SLC25A16: variants seen among roughly 807,000 people sequenced by gnomAD.
The protein encoded by SLC25A16 is mitochondrial coenzyme A transporter SLC25A16.
In SLC25A16, 39 loss-of-function variants were observed where a neutral mutation model predicts 41.5. That is an observed-to-expected ratio of 0.94 (90% CI 0.73 to 1.23). SLC25A16 has a LOEUF of 1.23. Among genes scored for constraint, SLC25A16 ranks in the 50% most tolerant of loss-of-function variants. The probability of loss-of-function intolerance (pLI) is 0.00; values close to 1 mark genes in which losing one functional copy is unlikely to be tolerated. For synonymous variants in SLC25A16, 146 were observed against 147.8 expected, an observed-to-expected ratio of 0.99 and a Z score of 0.09; for missense variants, 421 against 426.9, an observed-to-expected ratio of 0.99 and a Z score of 0.12.
rs1214767012 is a variant in SLC25A16 at position 68,527,338 on chromosome 10, G to A, written c.38C>T (p.Ala13Val). 1.3e-6 allele frequency: 2 copies of A among 1,531,006 alleles called. No homozygotes were observed. The highest frequency in any genetic ancestry group is 1.8e-6 in the Non-Finnish European group (2 of 1,140,362). 94.8% of individuals were successfully genotyped at this position (1,531,006 alleles called of 1,614,324 possible). Residue 13 changes from alanine (A) to valine (V), a missense_variant, in exon 1 of 9, where the codon GCC becomes GTC. Ala to Val is a moderately conservative substitution (Grantham distance 64, BLOSUM62 0). Coordinates refer to ENST00000609923, the MANE Select transcript of SLC25A16 (RefSeq NM_152707.4). ...CTGCGGCATTGCGGGAGGGGGATCGGCCGCCGCCAGGGCTGCCGCGGCCGT... is the reference window on the plus strand; with the variant it reads ...CTGCGGCATTGCGGGAGGGGGATCGACCGCCGCCAGGGCTGCCGCGGCCGT... ...AATAAAALAA[A>V]DPPPAMPQAA... is the part of the protein sequence containing the mutation.
At chr10:68,522,633 G>A (rs2053267580) in intron 1 of SLC25A16, among the ~76,000 whole-genome samples, 1 of 152,024 alleles carries the variant, frequency 6.6e-6, no homozygotes, top group Non-Finnish European at 1.5e-5. Flanking sequence ...TGCTAACACG[G>A]TGAAACCCCG....
At position 68,488,570 on chromosome 10, in the gene SLC25A16, G is replaced by C. The variant is rs1002946535; in HGVS notation, c.670C>G (p.Leu224Val). The C allele has an allele frequency of 2.5e-6, 4 of 1,610,706 alleles. No homozygotes were observed. In the African/African-American group the frequency reaches 5.4e-5, roughly 22 times the overall value. Residue 224 changes from leucine (L) to valine (V), a missense_variant, in exon 7 of 9, where the codon CTT becomes GTT. Coordinates refer to ENST00000609923, the MANE Select transcript of SLC25A16 (RefSeq NM_152707.4). ...TTGTCTGATGAAGGTCTGCCAAGAAGGGTAGGAGCATGGGAAAGCCCAACA... is the reference window on the plus strand; with the variant it reads ...TTGTCTGATGAAGGTCTGCCAAGAACGGTAGGAGCATGGGAAAGCCCAACA... ...KSVGLSHAPT[L>V]LGRPSSDNPN...
chr10:68,495,707 G>A (rs749909158), intron 4 of SLC25A16, among the ~76,000 whole-genome samples: 1 of 146,982 alleles, frequency 6.8e-6, no homozygotes, highest in African/African-American at 2.5e-5. Flanking sequence ...CCTTGAACCC[G>A]GGAGGCAGAG....
chr10:68,488,446 T>C (rs1407021475), intron 7 of SLC25A16, 21 bp downstream of exon 7: 1 of 1,459,150 alleles, frequency 6.9e-7, no homozygotes, highest in Non-Finnish European at 9.1e-7. Flanking sequence ...TTGATTAAAT[T>C]AAGTTAGTGA....
chr10:68,506,933 C>A (rs1226778063), intron 2 of SLC25A16, among the ~76,000 whole-genome samples: 3 of 151,360 alleles, frequency 2.0e-5, no homozygotes, highest in African/African-American at 7.3e-5. Context: ...TAATATAAAA[C>A]CTACTGTAGA....
intron 4 of SLC25A16, 21 bp from the exon 5 acceptor site, chr10:68,493,591 T>C: frequency 1.3e-6 from 2 of 1,597,786 alleles, no homozygotes; most frequent in Middle Eastern, 3.3e-4. Flanking sequence ...AGTAGAAATT[T>C]AGAGGTACAA....
At chr10:68,527,168 G>A in intron 1 of SLC25A16, 78 bp downstream of exon 1, 1 of 1,460,866 alleles carries the variant, frequency 6.8e-7, no homozygotes, top group Non-Finnish European at 9.2e-7. Context: ...ATGTCATAGA[G>A]GCCGCTTGCA....
intron 3 of SLC25A16, among the ~76,000 whole-genome samples, chr10:68,506,094 C>T (rs1483271650): frequency 1.3e-5 from 2 of 152,036 alleles, no homozygotes; most frequent in East Asian, 1.9e-4. Flanking sequence ...ATTCTGGAAT[C>T]GGTAATTCCA....
At chr10:68,509,731 C>CTATATATATATCTATATATATA (rs1554919946) in intron 2 of SLC25A16, among the ~76,000 whole-genome samples, 1 of 136,930 alleles carries the variant, frequency 7.3e-6, no homozygotes, top group African/African-American at 2.9e-5. Flanking sequence ...ATCTATCTAT[C>CTATATATATATCTATATATATA]TATATATATA....
In SLC25A16 at chr10:68,479,426, C is replaced by G. The variant is rs773835820; in HGVS notation, c.*4006G>C. 5 of 152,118 alleles carry G rather than the reference C, an allele frequency of 3.3e-5. No individual in the cohort carries two copies. Among genetic ancestry groups the G allele is most frequent in the Non-Finnish European group, 7.3e-5 (5 of 68,040 alleles). 9.4% of individuals were successfully genotyped at this position (152,118 alleles called of 1,614,324 possible). ...TCAGATTGCAAGTACAGCTAACAAG[C>G]CTCCCAAGGGAAGTCCTCCATAATG... On this transcript the variant is annotated 3_prime_UTR_variant, in exon 9 of 9. Coordinates refer to ENST00000609923, the MANE Select transcript of SLC25A16 (RefSeq NM_152707.4).
chr10:68,504,442 G>GT (rs557634249), intron 3 of SLC25A16, among the ~76,000 whole-genome samples: 36,525 of 143,236 alleles, frequency 0.25, 5,138 homozygotes, highest in Admixed American at 0.36. Context: ...TGTTTTTTTT[G>GT]TTTTTTTTTT....
intron 2 of SLC25A16, among the ~76,000 whole-genome samples, chr10:68,511,809 C>A (rs2053067720): frequency 6.6e-6 from 1 of 152,010 alleles, no homozygotes. Context: ...CCTCCCACCT[C>A]AGCCTCCCAA....
intron 2 of SLC25A16, among the ~76,000 whole-genome samples, chr10:68,510,214 G>A (rs528436665): frequency 1.3e-5 from 2 of 152,198 alleles, no homozygotes; most frequent in South Asian, 4.2e-4. Flanking sequence ...TTTAACATCT[G>A]TGAAAAATCA....
chr10:68,501,097 C>A (rs949323307), intron 4 of SLC25A16, among the ~76,000 whole-genome samples: 19 of 151,796 alleles, frequency 1.3e-4, no homozygotes, highest in African/African-American at 4.1e-4. Context: ...ACTAAAAACA[C>A]AAAAATTAGC....
At chr10:68,520,617 G>A (rs2053234614) in intron 1 of SLC25A16, among the ~76,000 whole-genome samples, 1 of 151,976 alleles carries the variant, frequency 6.6e-6, no homozygotes, top group South Asian at 2.1e-4. Flanking sequence ...TTCGAAACCA[G>A]CCTGACCAAC....
chr10:68,524,062 G>C (rs1235503382), intron 1 of SLC25A16, among the ~76,000 whole-genome samples: 1 of 151,808 alleles, frequency 6.6e-6, no homozygotes, highest in Non-Finnish European at 1.5e-5. Context: ...TGTAATCCCA[G>C]CACTATGGGA....
Position 68,482,299 on chromosome 10 carries a change from G to A in SLC25A16, c.*1133C>T, listed in dbSNP as rs193296193. On this transcript the variant is annotated 3_prime_UTR_variant, in exon 9 of 9. Coordinates refer to ENST00000609923, the MANE Select transcript of SLC25A16 (RefSeq NM_152707.4). ...CTTTAAATATTCCCTTCCCATTTAT[G>A]ACACGCTTATAATAAATCATAAAAA... is the stretch of plus-strand genomic sequence containing the variant. 29 of 151,350 alleles carry A rather than the reference G, an allele frequency of 1.9e-4. No individual in the cohort carries two copies. The highest frequency in any genetic ancestry group is 3.7e-4 in the Non-Finnish European group (25 of 67,918). 9.4% of individuals were successfully genotyped at this position (151,350 alleles called of 1,614,324 possible).
At position 68,523,973 on chromosome 10, in the gene SLC25A16, C is replaced by T. The variant is rs967457637; in HGVS notation, c.130+3273G>A. ...AATTAGGGCCAGGCACAGTGGCTCA[C>T]GCCTGTAATCCCACCACTCTGGGAG... On this transcript the variant is annotated intron_variant, in intron 1 of 8. Transcript: ENST00000609923. 2.0e-4 allele frequency among the ~76,000 whole-genome samples: 31 copies of T among 151,772 alleles called. No individual in the cohort carries two copies. In the South Asian group the frequency reaches 2.3e-3, roughly 11 times the overall value.
rs1019945721 is a variant in SLC25A16 at position 68,480,296 on chromosome 10, ATTTTAAATATTC to A, written c.*3124_*3135del. ...TAAATCAGATATAAACACAGTCATT[ATTTTAAATATTC>A]TTCCATTCTGACTTATGTTTAGCAT... On this transcript the variant is annotated 3_prime_UTR_variant, in exon 9 of 9. Coordinates refer to ENST00000609923, the MANE Select transcript of SLC25A16 (RefSeq NM_152707.4). 1.3e-5 allele frequency: 2 copies of A among 152,174 alleles called. No individual in the cohort carries two copies. Among genetic ancestry groups the A allele is most frequent in the Admixed American group, 1.3e-4 (2 of 15,260 alleles). The allele number at this position is 152,174 out of a possible 1,614,324, so 9.4% of individuals were successfully genotyped here.
Sources: gnomAD v4.1 joint callset for allele counts (sites outside exome capture counted in the v4.1 genomes callset) on GRCh38, gnomAD v4.1.1 for gene constraint, MANE v1.5 for transcripts, NCBI Gene and HGNC (gene_info 2026-07-23, HGNC 2026-07-21) for gene names.